DAGLB: variants seen among roughly 807,000 people sequenced by gnomAD.
The protein encoded by DAGLB is diacylglycerol lipase beta, also known as diacylglycerol lipase-beta.
In DAGLB, 66 loss-of-function variants were observed where a neutral mutation model predicts 72.1. The ratio of observed to expected loss-of-function variants is 0.92; its 90% CI spans 0.75 to 1.12. The LOEUF (loss-of-function observed/expected upper bound fraction) is 1.12, where lower values mean the gene tolerates loss of function less well. Among genes scored for constraint, DAGLB ranks in the 50% most tolerant of loss-of-function variants. DAGLB has a pLI of 0.00. For synonymous variants in DAGLB, 414 were observed against 359.5 expected (o/e 1.15, Z -1.71); for missense variants, 1,065 against 884.9 (o/e 1.20, Z -2.58).
intron 13 of DAGLB, among the ~76,000 whole-genome samples, chr7:6,412,070 AC>A (rs1783747508): frequency 6.6e-6 from 1 of 151,428 alleles, no homozygotes; most frequent in African/African-American, 2.4e-5. Context: ...ACTCACCACC[AC>A]CCCTGGCTCA....
rs772617671 is a variant in DAGLB at position 6,412,778 on chromosome 7, C to G, written c.1569+33G>C. 4 of 1,560,928 alleles carry G rather than the reference C, an allele frequency of 2.6e-6. No individual in the cohort carries two copies. The East Asian group carries it at 7.1e-5, about 28-fold the overall frequency. On this transcript the variant is annotated intron_variant, in intron 13 of 14. Coordinates refer to ENST00000297056, the MANE Select transcript of DAGLB (RefSeq NM_139179.4). ...AGGATCTCAGGGACAGGCCCCGTGT[C>G]CTGCTGACCCTCTCAACAAGGCACC...
At chr7:6,420,650 G>A (rs529776652) in intron 9 of DAGLB, among the ~76,000 whole-genome samples, 1 of 152,244 alleles carries the variant, frequency 6.6e-6, no homozygotes, top group African/African-American at 2.4e-5. Flanking sequence ...ACGGCACTGT[G>A]AACGCACTGG....
At chr7:6,437,622 GT>G (rs1357893387) in intron 2 of DAGLB, among the ~76,000 whole-genome samples, 2 of 151,906 alleles carry the variant, frequency 1.3e-5, no homozygotes, top group East Asian at 3.9e-4. Context: ...ATAGACAGTT[GT>G]TTTTTTGTGG....
intron 13 of DAGLB, 49 bp downstream of exon 13, chr7:6,412,762 G>C (rs774772633): frequency 1.3e-6 from 2 of 1,550,912 alleles, no homozygotes; most frequent in African/African-American, 2.7e-5. Context: ...CAGGATCTCA[G>C]GGACAGGCCC....
At position 6,434,964 on chromosome 7, in the gene DAGLB, C is replaced by T; in HGVS notation, c.476G>A (p.Gly159Glu). 2 of 1,614,048 alleles carry T rather than the reference C, an allele frequency of 1.2e-6. No individual in the cohort carries two copies. Among genetic ancestry groups the T allele is most frequent in the South Asian group, 2.2e-5 (2 of 91,080 alleles). ...VSIIIVFDPL[G>E]GKMAPYSSAG... ...AGAGGAATATGGAGCCATTTTCCCC[C>T]CAAGAGGGTCAAAGACAATGATAAT... is the stretch of plus-strand genomic sequence containing the variant. The change falls in exon 4 of 15, where the codon GGG becomes GAG. Residue 159 changes from glycine to glutamate, a missense_variant. Gly to Glu is a moderately conservative substitution (Grantham distance 98, BLOSUM62 -2). Coordinates refer to ENST00000297056, the MANE Select transcript of DAGLB (RefSeq NM_139179.4).
intron 8 of DAGLB, among the ~76,000 whole-genome samples, chr7:6,423,308 G>A (rs1382208752): frequency 6.6e-6 from 1 of 152,146 alleles, no homozygotes; most frequent in Non-Finnish European, 1.5e-5. Flanking sequence ...GACGGAGATG[G>A]GAAGCTAGAG....
At position 6,445,977 on chromosome 7, in the gene DAGLB, C is replaced by G. The variant is rs1168248968; in HGVS notation, c.223G>C (p.Ala75Pro). The change falls in exon 2 of 15, where the codon GCC becomes CCC. Residue 75 changes from alanine to proline, a missense_variant. By Grantham distance (27) the Ala-to-Pro change is conservative. Coordinates refer to ENST00000297056, the MANE Select transcript of DAGLB (RefSeq NM_139179.4). ...CCTCTCATGCTGACACACATGATGG[C>G]TGACACAGTACATATGACAACTGCC... ...LLAVVICTVS[A>P]IMCVSMRGTI... 1.4e-5 allele frequency: 22 copies of G among 1,607,518 alleles called. No homozygotes were observed. Among genetic ancestry groups the G allele is most frequent in the Non-Finnish European group, 1.7e-5 (20 of 1,177,956 alleles).
chr7:6,436,966 A>G (rs1003954824), intron 2 of DAGLB, among the ~76,000 whole-genome samples: 2 of 151,960 alleles, frequency 1.3e-5, no homozygotes, highest in Non-Finnish European at 2.9e-5. Flanking sequence ...CCTGGCCAAC[A>G]TGGTGAAACC....
intron 6 of DAGLB, among the ~76,000 whole-genome samples, chr7:6,426,436 G>A (rs1784311666): frequency 6.6e-6 from 1 of 152,186 alleles, no homozygotes; most frequent in Admixed American, 6.5e-5. Flanking sequence ...TGCCCGGCTA[G>A]TTTTTGTATT....
rs1174833794 is a variant in DAGLB at position 6,446,256 on chromosome 7, C to T, written c.96-152G>A. On this transcript the variant is annotated intron_variant, in intron 1 of 14. Coordinates refer to ENST00000297056, the MANE Select transcript of DAGLB (RefSeq NM_139179.4). ...GGGTGAGGTGGGCGGATCACAAGGT[C>T]AGGAGATCGAGACCATCCTGATCAA... is the stretch of plus-strand genomic sequence containing the variant. 5 of 577,792 alleles carry T rather than the reference C, an allele frequency of 8.7e-6. No homozygotes were observed. The Admixed American group carries it at 1.5e-4, about 17-fold the overall frequency. 35.8% of individuals were successfully genotyped at this position (577,792 alleles called of 1,614,324 possible).
chr7:6,410,079 TG>T, intron 14 of DAGLB, 44 bp from the exon 15 acceptor site: 1 of 1,592,888 alleles, frequency 6.3e-7, no homozygotes, highest in Non-Finnish European at 8.6e-7. Flanking sequence ...GCCCCAGGGC[TG>T]ACCCCGCGCT....
chr7:6,434,403 C>T lies in DAGLB; in HGVS notation c.678+359G>A, dbSNP rs1784587198. On this transcript the variant is annotated intron_variant, in intron 4 of 14. Transcript: ENST00000297056. ...AAGTCACTCACTATCTGATTCCAAC[C>T]TCGATTCATGCCACTGCCTGTGCTT... 2.0e-5 allele frequency among the ~76,000 whole-genome samples: 3 copies of T among 152,130 alleles called. No individual in the cohort carries two copies. The South Asian group carries it at 6.2e-4, about 31-fold the overall frequency.
intron 7 of DAGLB, 24 bp from the exon 8 acceptor site, chr7:6,424,859 G>T: frequency 6.2e-7 from 1 of 1,611,740 alleles, no homozygotes. Flanking sequence ...AAACAAGCAT[G>T]GGGCCTAAAC....
At chr7:6,411,045 C>T (rs983956350) in intron 13 of DAGLB, among the ~76,000 whole-genome samples, 2 of 152,028 alleles carry the variant, frequency 1.3e-5, no homozygotes, top group African/African-American at 2.4e-5. Context: ...CCACCGCACC[C>T]GGCTAATTTT....
rs572012164 is a variant in DAGLB at position 6,427,295 on chromosome 7, C to A, written c.930-1181G>T. 2.6e-5 allele frequency among the ~76,000 whole-genome samples: 4 copies of A among 152,232 alleles called. No homozygotes were observed. The East Asian group carries it at 7.7e-4, about 29-fold the overall frequency. Reference sequence around the variant, plus strand: ...CACGCTGATGTTGCTGGGAGCCAAGCTTCTCTTTGCAGACATGATGTGGAG... The same window carrying A: ...CACGCTGATGTTGCTGGGAGCCAAGATTCTCTTTGCAGACATGATGTGGAG... On this transcript the variant is annotated intron_variant, in intron 6 of 14. Coordinates refer to ENST00000297056, the MANE Select transcript of DAGLB (RefSeq NM_139179.4).
At chr7:6,442,431 A>G (rs1217093426) in intron 2 of DAGLB, among the ~76,000 whole-genome samples, 2 of 151,968 alleles carry the variant, frequency 1.3e-5, no homozygotes, top group Non-Finnish European at 2.9e-5. Flanking sequence ...ATCTCAACAC[A>G]AACAAACATG....
intron 6 of DAGLB, among the ~76,000 whole-genome samples, chr7:6,427,775 T>C (rs1322855146): frequency 6.6e-6 from 1 of 151,436 alleles, no homozygotes; most frequent in Admixed American, 6.6e-5. Context: ...TGGGCAACAG[T>C]CCCAAAAAAA....
Position 6,421,746 on chromosome 7 carries a change from TGCACCTCACACTCCACGTCCA to T in DAGLB, c.1178_1198del (p.Leu393_Val399del). The T allele has an allele frequency of 2.5e-6, 4 of 1,612,642 alleles. No homozygotes were observed. The highest frequency in any genetic ancestry group is 2.2e-5 in the East Asian group (1 of 44,856). ...TCATACCTTGTGTGCCAGGCGGTCCTGCACCTCACACTCCACGTCCAGCACCTCACTCTCCGCTGACAGGTC... is the reference window on the plus strand; with the variant it reads ...TCATACCTTGTGTGCCAGGCGGTCCTGCACCTCACTCTCCGCTGACAGGTC... On this transcript the variant is annotated inframe_deletion, in exon 9 of 15. Transcript: ENST00000297056.
At chr7:6,422,906 A>C (rs1784178556) in intron 8 of DAGLB, 1 of 152,368 alleles carries the variant, frequency 6.6e-6, no homozygotes, top group Non-Finnish European at 1.5e-5. Flanking sequence ...GAACATTTAA[A>C]GATAAATCCA....
Sources: allele counts gnomAD v4.1 joint callset (sites outside exome capture counted in the v4.1 genomes callset), GRCh38; gene constraint gnomAD v4.1.1; transcripts MANE v1.5; gene names NCBI Gene and HGNC (gene_info 2026-07-23, HGNC 2026-07-21).